PRDM10: variants seen among roughly 807,000 people sequenced by gnomAD.
The protein encoded by PRDM10 is PR/SET domain 10.
In PRDM10, 65 loss-of-function variants were observed where a neutral mutation model predicts 133.1. The ratio of observed to expected loss-of-function variants is 0.49; its 90% CI spans 0.40 to 0.60. The LOEUF is 0.60. Among genes scored for constraint, PRDM10 ranks in the 20% least tolerant of loss-of-function variants. The pLI, the probability that PRDM10 is intolerant of heterozygous loss-of-function variation, is 0.00. For synonymous variants in PRDM10, 582 were observed against 580.4 expected (o/e 1.00, Z -0.04); for missense variants, 1,137 against 1,507.1 (o/e 0.75, Z 4.07).
At chr11:129,927,292 C>T (rs1447628466) in intron 11 of PRDM10, among the ~76,000 whole-genome samples, 1 of 148,010 alleles carries the variant, frequency 6.8e-6, no homozygotes, top group Non-Finnish European at 1.5e-5. Flanking sequence ...ATCTTTTTAA[C>T]TCTGTCTGGA....
At chr11:129,977,277 C>CACACACACAG (rs1555113151) in intron 1 of PRDM10, among the ~76,000 whole-genome samples, 1 of 151,182 alleles carries the variant, frequency 6.6e-6, no homozygotes, top group African/African-American at 2.4e-5. Flanking sequence ...CACACACACA[C>CACACACACAG]ACACACACAC....
At chr11:129,912,332 C>A in intron 17 of PRDM10, 107 bp from the exon 18 acceptor site, 1 of 1,240,704 alleles carries the variant, frequency 8.1e-7, no homozygotes, top group Non-Finnish European at 1.1e-6. Flanking sequence ...TGGCCGGGTG[C>A]AGTGGCTCAT....
intron 1 of PRDM10, among the ~76,000 whole-genome samples, chr11:129,962,074 CA>C (rs1400311732): frequency 6.6e-6 from 1 of 152,158 alleles, no homozygotes; most frequent in Admixed American, 6.6e-5. Flanking sequence ...TTGGTGAATG[CA>C]AATACAAACT....
Position 129,947,326 on chromosome 11 carries a change from A to G in PRDM10, c.339T>C (p.Ser113=), listed in dbSNP as rs59265937. 46,237 of 1,612,400 alleles carry G rather than the reference A, an allele frequency of 0.029. 1,210 individuals carry two copies. Among genetic ancestry groups the G allele is most frequent in the East Asian group, 0.14 (6,165 of 44,832 alleles). The change falls in exon 5 of 21, where the codon AGT becomes AGC. Residue 113 remains serine (S), a synonymous_variant. Transcript: ENST00000360871. This position sits in a 1 kb window ranked among gnomAD's most constrained non-coding sequence, Gnocchi z 4.6. ...VHNQVLPSIE[S]VDGSDPLATL... is the part of the protein sequence containing the mutation. The stretch of plus-strand genomic sequence containing the variant: ...TTGCCAAAGGGTCGGACCCATCTAC[A>G]CTCTCGATGGAAGGCAGCACCTGGT...
intron 10 of PRDM10, among the ~76,000 whole-genome samples, chr11:129,931,756 G>A (rs1288534182): frequency 6.6e-6 from 1 of 151,798 alleles, no homozygotes; most frequent in African/African-American, 2.4e-5. Context: ...TTTTAGTAGA[G>A]ACGGGGTTTC....
intron 15 of PRDM10, among the ~76,000 whole-genome samples, chr11:129,916,899 G>C (rs1950375233): frequency 6.6e-6 from 1 of 152,114 alleles, no homozygotes; most frequent in Non-Finnish European, 1.5e-5. Context: ...AAATCACAGA[G>C]AGAAGGGACA....
At chr11:129,937,779 C>A in intron 7 of PRDM10, 109 bp from the exon 8 acceptor site, 2 of 904,752 alleles carry the variant, frequency 2.2e-6, no homozygotes. Context: ...TTTCCACAGC[C>A]CATTAACAAT....
chr11:129,970,997 G>T (rs1952009411), intron 1 of PRDM10, among the ~76,000 whole-genome samples: 1 of 152,140 alleles, frequency 6.6e-6, no homozygotes, highest in South Asian at 2.1e-4. Flanking sequence ...CTTCAAGAAT[G>T]AAGCCACGTA....
chr11:129,973,018 C>A (rs1937605477), intron 1 of PRDM10, among the ~76,000 whole-genome samples: 1 of 152,196 alleles, frequency 6.6e-6, no homozygotes, highest in South Asian at 2.1e-4. Context: ...GCGCCTTTTT[C>A]TTCCTTTATT....
chr11:129,929,336 T>C (rs899434834), intron 11 of PRDM10: 10 of 1,441,894 alleles, frequency 6.9e-6, no homozygotes, highest in African/African-American at 1.4e-5. Context: ...ATTTAGTAAG[T>C]ACAGGTTGCA....
At position 129,902,464 on chromosome 11, in the gene PRDM10, G is replaced by A; in HGVS notation, c.3320C>T (p.Ser1107Phe). 1 of 1,614,242 alleles carries A rather than the reference G, an allele frequency of 6.2e-7. No homozygotes were observed. The highest frequency in any genetic ancestry group is 8.5e-7 in the Non-Finnish European group (1 of 1,180,048). ...SQSELEEKQTSALSGGVQVEP... is the reference protein window; with the variant it reads ...SQSELEEKQTFALSGGVQVEP... ...GACCTGGACTCCACCAGAGAGGGCAGAAGTTTGCTTTTCTTCCAATTCTGA... is the reference window on the plus strand; with the variant it reads ...GACCTGGACTCCACCAGAGAGGGCAAAAGTTTGCTTTTCTTCCAATTCTGA... The change falls in exon 21 of 21, where the codon TCT becomes TTT. Residue 1107 changes from serine to phenylalanine, a missense_variant. Coordinates refer to ENST00000360871, the MANE Select transcript of PRDM10 (RefSeq NM_199437.2).
At chr11:129,944,459 CCTGTAGT>C (rs1331858823) in intron 6 of PRDM10, among the ~76,000 whole-genome samples, 2 of 152,036 alleles carry the variant, frequency 1.3e-5, no homozygotes, top group Non-Finnish European at 2.9e-5. Context: ...GTGGCGGGCG[CCTGTAGT>C]CCCAGCTACT....
intron 1 of PRDM10, among the ~76,000 whole-genome samples, chr11:129,999,289 C>CTA (rs1418542866): frequency 6.6e-6 from 1 of 152,236 alleles, no homozygotes; most frequent in African/African-American, 2.4e-5. Context: ...CTGCCTCTAC[C>CTA]TATCCCCCAG....
chr11:129,966,245 AAAACAAAC>A (rs898869466), intron 1 of PRDM10, among the ~76,000 whole-genome samples: 1 of 152,172 alleles, frequency 6.6e-6, no homozygotes, highest in Non-Finnish European at 1.5e-5. Flanking sequence ...ACTCCATCTC[AAAACAAAC>A]AAACAAACAA....
chr11:129,932,074 AG>A lies in PRDM10; in HGVS notation c.1287+27del, dbSNP rs772208570. On this transcript the variant is annotated intron_variant, in intron 10 of 20. Transcript: ENST00000360871. ...GGCGAGTCCTCCACACAAGCACCTA[AG>A]GAGGGCTCCTTCCCGTCCCCCCGTA... 1.9e-6 allele frequency: 3 copies of A among 1,607,388 alleles called. No individual in the cohort carries two copies. The South Asian group carries it at 3.3e-5, about 18-fold the overall frequency.
In PRDM10 at chr11:129,929,377, TTC is replaced by T. The variant is rs564714568; in HGVS notation, c.1530+1637_1530+1638del. 244 of 1,559,536 alleles carry T rather than the reference TTC, an allele frequency of 1.6e-4. No homozygotes were observed. The African/African-American group carries it at 3.0e-3, about 19-fold the overall frequency. On this transcript the variant is annotated intron_variant, in intron 11 of 20. Coordinates refer to ENST00000360871, the MANE Select transcript of PRDM10 (RefSeq NM_199437.2). ...CAGCAGGTCAGGCAAACAAGTAACA[TTC>T]TGTTATGTGAAACACAGGAAACAAA... is the stretch of plus-strand genomic sequence containing the variant.
chr11:129,920,780 T>C (rs1472774953), intron 13 of PRDM10, among the ~76,000 whole-genome samples: 1 of 151,876 alleles, frequency 6.6e-6, no homozygotes, highest in African/African-American at 2.4e-5. Flanking sequence ...GTCTCCCCTA[T>C]ACCCCAAATC....
chr11:129,994,195 G>C (rs1591707538), intron 1 of PRDM10, among the ~76,000 whole-genome samples: 1 of 151,712 alleles, frequency 6.6e-6, no homozygotes, highest in Non-Finnish European at 1.5e-5. Context: ...CTGGGGCTGG[G>C]TGCAGTGGCT....
At position 129,947,451 on chromosome 11, in the gene PRDM10, G is replaced by A. The variant is rs762575270; in HGVS notation, c.295-81C>T. On this transcript the variant is annotated intron_variant, in intron 4 of 20. Coordinates refer to ENST00000360871, the MANE Select transcript of PRDM10 (RefSeq NM_199437.2). This position sits in a 1 kb window ranked among gnomAD's most constrained non-coding sequence, Gnocchi z 4.6. ...GCTGGTGCCTGCTGGCACAAACAGGGCGCAAGGGCTGGCTGAAATCTAGTC... is the reference window on the plus strand; with the variant it reads ...GCTGGTGCCTGCTGGCACAAACAGGACGCAAGGGCTGGCTGAAATCTAGTC... 4 of 1,587,536 alleles carry A rather than the reference G, an allele frequency of 2.5e-6. No individual in the cohort carries two copies. The highest frequency in any genetic ancestry group is 1.7e-5 in the Admixed American group (1 of 57,936).
Sources: allele counts gnomAD v4.1 joint callset (sites outside exome capture counted in the v4.1 genomes callset), GRCh38; gene constraint gnomAD v4.1.1; non-coding constraint Gnocchi (gnomAD v3.1); transcripts MANE v1.5; gene names NCBI Gene and HGNC (gene_info 2026-07-23, HGNC 2026-07-21).